Variants in PCDHA12 observed in about 807,000 individuals in gnomAD.
PCDHA12 encodes the protein protocadherin alpha 12, also known as protocadherin alpha-12.
A neutral mutation model predicts 60.0 loss-of-function variants in PCDHA12; 44 were observed. The observed-to-expected ratio is 0.73, with a 90% CI of 0.58 to 0.94. The LOEUF (loss-of-function observed/expected upper bound fraction) is 0.94. Among genes scored for constraint, PCDHA12 ranks in the 40% least tolerant of loss-of-function variants. The pLI, the probability that PCDHA12 is intolerant of heterozygous loss-of-function variation, is 0.00. For synonymous variants in PCDHA12, 569 were observed against 553.0 expected, an observed-to-expected ratio of 1.03 and a Z score of -0.40; for missense variants, 1,276 against 1,239.7, an observed-to-expected ratio of 1.03 and a Z score of -0.44.
chr5:140,965,796 A>AT (rs1377584212), intron 1 of PCDHA12, among the ~76,000 whole-genome samples: 2 of 152,134 alleles, frequency 1.3e-5, no homozygotes, highest in Non-Finnish European at 2.9e-5. Flanking sequence ...CATGGAGACT[A>AT]TTTTTTTAAA....
intron 3 of PCDHA12, among the ~76,000 whole-genome samples, chr5:140,995,446 T>C (rs2097684088): frequency 6.6e-6 from 1 of 152,206 alleles, no homozygotes; most frequent in Non-Finnish European, 1.5e-5. Flanking sequence ...TTAAAACTTA[T>C]GAATTGTTTA....
In PCDHA12 at chr5:141,000,327, C is replaced by G. The variant is rs555445425; in HGVS notation, c.2516-9300C>G. On this transcript the variant is annotated intron_variant, in intron 3 of 3. Coordinates refer to ENST00000398631, the MANE Select transcript of PCDHA12 (RefSeq NM_018903.4). ...GAGTTCAAGACCAGCTTGGGCAACA[C>G]AGCAAGGCCCTATCTCTCTCTCTGT... is the stretch of plus-strand genomic sequence containing the variant. 3.5e-5 allele frequency among the ~76,000 whole-genome samples: 5 copies of G among 144,706 alleles called. No homozygotes were observed. The South Asian group carries it at 1.1e-3, about 32-fold the overall frequency. 94.9% of individuals were successfully genotyped at this position (144,706 alleles called of 152,430 possible). A position where few individuals can be genotyped will look rare whatever the true frequency, so the allele number is the denominator to read the frequency against.
intron 1 of PCDHA12, among the ~76,000 whole-genome samples, chr5:140,894,384 T>A (rs1554186071): frequency 6.6e-6 from 1 of 152,046 alleles, no homozygotes; most frequent in Admixed American, 6.5e-5. Flanking sequence ...ATTATATTTG[T>A]ATTAGATATT....
rs375103611 is a variant in PCDHA12 at position 140,888,367 on chromosome 5, A to G, written c.2367+10528A>G. ...AGGGAATTGCTACTGGCATCTAATAATGGAGCTCTGAGATGCTGCTAAACA... is the reference window on the plus strand; with the variant it reads ...AGGGAATTGCTACTGGCATCTAATAGTGGAGCTCTGAGATGCTGCTAAACA... On this transcript the variant is annotated intron_variant, in intron 1 of 3. Coordinates refer to ENST00000398631, the MANE Select transcript of PCDHA12 (RefSeq NM_018903.4). 3.2e-4 allele frequency among the ~76,000 whole-genome samples: 49 copies of G among 152,322 alleles called. 1 individual carries two copies. In the East Asian group the frequency reaches 7.7e-3, roughly 24 times the overall value.
intron 1 of PCDHA12, among the ~76,000 whole-genome samples, chr5:140,975,698 T>C (rs1298498012): frequency 6.6e-6 from 1 of 152,202 alleles, no homozygotes; most frequent in Non-Finnish European, 1.5e-5. Flanking sequence ...TTTAAACTTA[T>C]TTTACTTTAA....
intron 3 of PCDHA12, among the ~76,000 whole-genome samples, chr5:141,003,440 T>G (rs1194575812): frequency 6.6e-6 from 1 of 152,100 alleles, no homozygotes; most frequent in Non-Finnish European, 1.5e-5. Flanking sequence ...GCCTCCCAAG[T>G]AGATGAAATT....
At chr5:140,922,072 A>C (rs1390677282) in intron 1 of PCDHA12, among the ~76,000 whole-genome samples, 1 of 152,198 alleles carries the variant, frequency 6.6e-6, no homozygotes, top group East Asian at 1.9e-4. Context: ...AATCCCACTA[A>C]GCAAAAAGTG....
intron 1 of PCDHA12, chr5:140,884,079 A>T (rs2059982825): frequency 3.1e-6 from 5 of 1,613,504 alleles, no homozygotes; most frequent in Non-Finnish European, 4.2e-6. Context: ...TCGGGCTACA[A>T]TGCGTGGCTT....
chr5:140,993,617 C>A (rs1299213362), intron 3 of PCDHA12, among the ~76,000 whole-genome samples: 3 of 152,034 alleles, frequency 2.0e-5, no homozygotes, highest in Non-Finnish European at 4.4e-5. Context: ...TGTTGGGACC[C>A]TCTATATATA....
At chr5:141,007,192 TGGTGGGGGCCAGAATATGC>T (rs1371127830) in intron 3 of PCDHA12, among the ~76,000 whole-genome samples, 1 of 151,894 alleles carries the variant, frequency 6.6e-6, no homozygotes, top group African/African-American at 2.4e-5. Flanking sequence ...AATGTTTTGA[TGGTGGGGGCCAGAATATGC>T]TGTCCCAAAA....
At chr5:140,956,953 C>T (rs1347983778) in intron 1 of PCDHA12, among the ~76,000 whole-genome samples, 1 of 135,202 alleles carries the variant, frequency 7.4e-6, no homozygotes, top group Non-Finnish European at 1.7e-5. Flanking sequence ...CATTAAAACA[C>T]TGTAATTAAT....
At chr5:140,967,618 G>T in intron 1 of PCDHA12, 3 of 1,614,174 alleles carry the variant, frequency 1.9e-6, no homozygotes, top group Non-Finnish European at 2.5e-6. Context: ...CCTCAGACCC[G>T]GATGAGGGCT....
At position 141,003,197 on chromosome 5, in the gene PCDHA12, C is replaced by T. The variant is rs77453404; in HGVS notation, c.2516-6430C>T. 6.7e-3 allele frequency among the ~76,000 whole-genome samples: 1,024 copies of T among 152,320 alleles called. 13 individuals are homozygous for T. Among genetic ancestry groups the T allele is most frequent in the African/African-American group, 0.024 (986 of 41,560 alleles). On this transcript the variant is annotated intron_variant, in intron 3 of 3. Transcript: ENST00000398631. ...GGCTCAACTCCATCAACTCAGGCAGCCAGGGTTAGTTTAGCATGAAAGAGG... is the reference window on the plus strand; with the variant it reads ...GGCTCAACTCCATCAACTCAGGCAGTCAGGGTTAGTTTAGCATGAAAGAGG...
intron 1 of PCDHA12, among the ~76,000 whole-genome samples, chr5:140,977,783 T>TATATGA (rs1488853966): frequency 1.3e-5 from 2 of 152,252 alleles, no homozygotes; most frequent in African/African-American, 4.8e-5. Context: ...TTAAAGGAAC[T>TATATGA]ATATGAATGA....
At chr5:140,921,998 A>G (rs1247902071) in intron 1 of PCDHA12, among the ~76,000 whole-genome samples, 3 of 152,206 alleles carry the variant, frequency 2.0e-5, no homozygotes, top group African/African-American at 7.2e-5. Flanking sequence ...AGTTCAATGA[A>G]ATGATTAGTT....
At position 141,010,031 on chromosome 5, in the gene PCDHA12, A is replaced by C; in HGVS notation, c.*94A>C. On this transcript the variant is annotated 3_prime_UTR_variant, in exon 4 of 4. Transcript: ENST00000398631. Reference sequence around the variant, plus strand: ...TTCCCTGCTCCTTTTTCCTATCTACATGAGCCCTCTTAGAGACCTCAGAAA... The same window carrying C: ...TTCCCTGCTCCTTTTTCCTATCTACCTGAGCCCTCTTAGAGACCTCAGAAA... 4 of 1,581,690 alleles carry C rather than the reference A, an allele frequency of 2.5e-6. No individual in the cohort carries two copies. Among genetic ancestry groups the C allele is most frequent in the South Asian group, 1.2e-5 (1 of 84,422 alleles).
At position 140,876,890 on chromosome 5, in the gene PCDHA12, A is replaced by G. The variant is rs373414098; in HGVS notation, c.1418A>G (p.His473Arg). The change falls in exon 1 of 4, where the codon CAC becomes CGC. Residue 473 changes from histidine to arginine, a missense_variant. Coordinates refer to ENST00000398631, the MANE Select transcript of PCDHA12 (RefSeq NM_018903.4). ...AAGGAGAACAACCCGCCGGGCTGCC[A>G]CATCTTCACGGTGTCGGCATGGGAC... ...FVKENNPPGC[H>R]IFTVSAWDAD... The G allele has an allele frequency of 4.0e-5, 65 of 1,613,968 alleles. No individual in the cohort carries two copies. In the African/African-American group the frequency reaches 8.1e-4, roughly 20 times the overall value.
intron 1 of PCDHA12, among the ~76,000 whole-genome samples, chr5:140,964,638 A>T (rs1402541821): frequency 3.9e-5 from 6 of 152,098 alleles, no homozygotes; most frequent in Admixed American, 2.0e-4. Context: ...ATTTATTTTC[A>T]GAAACAAGTA....
At chr5:140,902,203 C>CT (rs148688132) in intron 1 of PCDHA12, among the ~76,000 whole-genome samples, 2,237 of 124,430 alleles carry the variant, frequency 0.018, 39 homozygotes, top group East Asian at 0.05. Context: ...CTCTCTCTTT[C>CT]TTTTTTTTTT....
Sources: gnomAD v4.1 joint callset for allele counts (sites outside exome capture counted in the v4.1 genomes callset) on GRCh38, gnomAD v4.1.1 for gene constraint, MANE v1.5 for transcripts, NCBI Gene and HGNC (gene_info 2026-07-23, HGNC 2026-07-21) for gene names.